ROR1: variants seen among roughly 807,000 people sequenced by gnomAD.
ROR1 encodes inactive tyrosine-protein kinase transmembrane receptor ROR1.
Under a neutral mutation model 78.8 loss-of-function variants are expected in ROR1, and 19 were observed. The observed-to-expected ratio is 0.24, with a 90% CI of 0.17 to 0.35. The LOEUF (loss-of-function observed/expected upper bound fraction) is 0.35, where lower values mean the gene tolerates loss of function less well. Ranked by LOEUF, ROR1 falls within the 10% of genes least tolerant of loss-of-function variation. The pLI, the probability that ROR1 is intolerant of heterozygous loss-of-function variation, is 1.00. For synonymous variants in ROR1, 386 were observed against 433.6 expected, an observed-to-expected ratio of 0.89 and a Z score of 1.36; for missense variants, 917 against 1,177.8, an observed-to-expected ratio of 0.78 and a Z score of 3.24.
intron 1 of ROR1, among the ~76,000 whole-genome samples, chr1:63,989,515 G>A (rs1178996778): frequency 6.6e-6 from 1 of 152,120 alleles, no homozygotes; most frequent in South Asian, 2.1e-4. Flanking sequence ...CTACTTTGGT[G>A]TAACTCCTGT....
At chr1:63,927,875 C>T (rs968007729) in intron 1 of ROR1, among the ~76,000 whole-genome samples, 3 of 151,886 alleles carry the variant, frequency 2.0e-5, no homozygotes, top group Admixed American at 6.6e-5. Flanking sequence ...GGTTGATGCT[C>T]TTTTCAATCC....
At chr1:64,150,989 C>G (rs548774787) in intron 7 of ROR1, among the ~76,000 whole-genome samples, 20 of 152,318 alleles carry the variant, frequency 1.3e-4, no homozygotes, top group African/African-American at 4.3e-4. Context: ...TTAACCTTTG[C>G]TGACAGAAAT....
In ROR1 at chr1:63,950,848, A is replaced by T. The variant is rs910088563; in HGVS notation, c.92-58457A>T. Among the ~76,000 whole-genome samples the T allele has an allele frequency of 3.3e-5, 5 of 152,244 alleles. No homozygotes were observed. The South Asian group carries it at 8.3e-4, about 25-fold the overall frequency. On this transcript the variant is annotated intron_variant, in intron 1 of 8. Coordinates refer to ENST00000371079, the MANE Select transcript of ROR1 (RefSeq NM_005012.4). ...GCAAGAGTTAAACTATTTTGATACC[A>T]CAGTGAAGGGAGCAGAAAATGACAT...
At chr1:63,814,439 T>G (rs1644877633) in intron 1 of ROR1, among the ~76,000 whole-genome samples, 2 of 150,984 alleles carry the variant, frequency 1.3e-5, no homozygotes. Context: ...GGGGTGGGGG[T>G]GGTGGTTTGG....
intron 1 of ROR1, among the ~76,000 whole-genome samples, chr1:63,887,802 A>G (rs855849): frequency 0.64 from 97,903 of 152,168 alleles, 36,524 homozygotes; most frequent in East Asian, 0.97. Flanking sequence ...TCTCTAAAAC[A>G]ATTATAATAA....
chr1:63,838,185 C>T (rs1271744936), intron 1 of ROR1, among the ~76,000 whole-genome samples: 1 of 151,994 alleles, frequency 6.6e-6, no homozygotes, highest in African/African-American at 2.4e-5. Flanking sequence ...TAATAAACAA[C>T]TATGTTAGTG....
intron 2 of ROR1, among the ~76,000 whole-genome samples, chr1:64,031,373 C>A (rs1646658418): frequency 6.6e-6 from 1 of 152,204 alleles, no homozygotes; most frequent in African/African-American, 2.4e-5. Flanking sequence ...ATCCTGAGTA[C>A]ATTCCATGCT....
chr1:63,991,501 G>T (rs1422836689), intron 1 of ROR1, among the ~76,000 whole-genome samples: 2 of 152,190 alleles, frequency 1.3e-5, no homozygotes, highest in Non-Finnish European at 2.9e-5. Context: ...CATTTGGAAT[G>T]ATGCCACACT....
chr1:64,016,220 A>C (rs1054173403), intron 2 of ROR1, among the ~76,000 whole-genome samples: 1 of 152,302 alleles, frequency 6.6e-6, no homozygotes, highest in African/African-American at 2.4e-5. Flanking sequence ...TGAGACTCCA[A>C]TGCTGCGTGA....
chr1:63,801,441 C>T (rs1644796866), intron 1 of ROR1, among the ~76,000 whole-genome samples: 1 of 151,934 alleles, frequency 6.6e-6, no homozygotes, highest in South Asian at 2.1e-4. Flanking sequence ...ATTACAGGCA[C>T]CCACCACCAC....
At chr1:63,964,090 A>C (rs1197324153) in intron 1 of ROR1, among the ~76,000 whole-genome samples, 2 of 152,192 alleles carry the variant, frequency 1.3e-5, no homozygotes, top group African/African-American at 4.8e-5. Context: ...TTTTGACTTT[A>C]ACAGCTACTC....
At chr1:63,799,701 G>A (rs1184478583) in intron 1 of ROR1, among the ~76,000 whole-genome samples, 1 of 150,374 alleles carries the variant, frequency 6.7e-6, no homozygotes, top group Non-Finnish European at 1.5e-5. Context: ...TTGTTTATAT[G>A]TTTGTCTCTG....
intron 2 of ROR1, among the ~76,000 whole-genome samples, chr1:64,049,025 A>G (rs1266982221): frequency 1.3e-5 from 2 of 152,206 alleles, no homozygotes; most frequent in Non-Finnish European, 2.9e-5. Flanking sequence ...TGTATATTGC[A>G]CAGTATTGTA....
At chr1:64,053,965 A>ATTTTATTTTATTTTATTT (rs1460407003) in intron 4 of ROR1, among the ~76,000 whole-genome samples, 167 of 151,830 alleles carry the variant, frequency 1.1e-3, no homozygotes, top group African/African-American at 3.6e-3. Flanking sequence ...ATTTTATTTT[A>ATTTTATTTTATTTTATTT]TTTTGAAACA....
At chr1:64,176,188 AT>A (rs1650373599) in intron 8 of ROR1, among the ~76,000 whole-genome samples, 1 of 152,216 alleles carries the variant, frequency 6.6e-6, no homozygotes, top group Non-Finnish European at 1.5e-5. Flanking sequence ...CTTAAGGTCA[AT>A]TAATAAACAA....
chr1:63,858,754 ATATT>A (rs1645163156), intron 1 of ROR1, among the ~76,000 whole-genome samples: 1 of 152,008 alleles, frequency 6.6e-6, no homozygotes, highest in Non-Finnish European at 1.5e-5. Flanking sequence ...GCTAATTAAG[ATATT>A]TATTCTCTTT....
intron 1 of ROR1, among the ~76,000 whole-genome samples, chr1:63,901,177 C>T (rs1027409737): frequency 2.6e-5 from 4 of 152,162 alleles, no homozygotes; most frequent in African/African-American, 9.7e-5. Flanking sequence ...AAAAGACTGA[C>T]ATGGTGCATG....
chr1:63,850,536 T>C (rs1004223234), intron 1 of ROR1, among the ~76,000 whole-genome samples: 17 of 149,410 alleles, frequency 1.1e-4, no homozygotes, highest in African/African-American at 3.3e-4. Flanking sequence ...ATTGGAAGTA[T>C]TTTTAGATTT....
chr1:64,013,909 C>T (rs1057067776), intron 2 of ROR1, among the ~76,000 whole-genome samples: 4 of 152,228 alleles, frequency 2.6e-5, no homozygotes, highest in Non-Finnish European at 4.4e-5. Flanking sequence ...GGGTTCAAAT[C>T]CCAGTTATGG....
Sources: allele counts gnomAD v4.1 joint callset (sites outside exome capture counted in the v4.1 genomes callset), GRCh38; gene constraint gnomAD v4.1.1; transcripts MANE v1.5; gene names NCBI Gene and HGNC (gene_info 2026-07-23, HGNC 2026-07-21).